Variants in ROBO2 observed in about 807,000 individuals in gnomAD.
The protein encoded by ROBO2 is roundabout guidance receptor 2.
ROBO2 carries 53 observed loss-of-function variants against 160.8 expected under a neutral mutation model. The ratio of observed to expected loss-of-function variants is 0.33; its 90% CI spans 0.26 to 0.41. ROBO2 has a LOEUF of 0.41. Ranked by LOEUF, ROBO2 falls within the 10% of genes least tolerant of loss-of-function variation. ROBO2 has a pLI of 1.00. For synonymous variants in ROBO2, 664 were observed against 611.7 expected, an observed-to-expected ratio of 1.09 and a Z score of -1.26; for missense variants, 1,577 against 1,722.4, an observed-to-expected ratio of 0.92 and a Z score of 1.49.
intron 2 of ROBO2, among the ~76,000 whole-genome samples, chr3:76,988,882 C>T (rs1049744610): frequency 2.6e-5 from 4 of 152,108 alleles, no homozygotes; most frequent in Non-Finnish European, 5.9e-5. Flanking sequence ...TGATGCTGCA[C>T]ATTTAAAGAC....
intron 2 of ROBO2, among the ~76,000 whole-genome samples, chr3:76,028,570 C>T (rs573150456): frequency 9.0e-4 from 137 of 151,672 alleles, no homozygotes; most frequent in Non-Finnish European, 1.6e-3. Flanking sequence ...TTGAAAATCT[C>T]CAAAGAACTA....
chr3:77,119,723 T>C (rs1005655211), intron 2 of ROBO2, among the ~76,000 whole-genome samples: 2 of 152,214 alleles, frequency 1.3e-5, no homozygotes, highest in Non-Finnish European at 2.9e-5. Context: ...ATTTTAATGC[T>C]GTGTGAGTTT....
At chr3:76,955,859 C>T (rs1285309474) in intron 2 of ROBO2, among the ~76,000 whole-genome samples, 3 of 141,314 alleles carry the variant, frequency 2.1e-5, no homozygotes, top group East Asian at 2.1e-4. Context: ...ACCCGGGAGG[C>T]GGAGACAGGT....
chr3:77,277,105 G>A (rs940914862), intron 2 of ROBO2, among the ~76,000 whole-genome samples: 1 of 151,824 alleles, frequency 6.6e-6, no homozygotes, highest in Non-Finnish European at 1.5e-5. Flanking sequence ...GAGAGAGAGA[G>A]AAATAAAAAT....
chr3:76,103,070 G>C (rs1356965422), intron 2 of ROBO2, among the ~76,000 whole-genome samples: 1 of 151,994 alleles, frequency 6.6e-6, no homozygotes, highest in Non-Finnish European at 1.5e-5. Context: ...TGATCCGCCC[G>C]CCTCGGCCTC....
chr3:76,535,347 C>T (rs189642680), intron 2 of ROBO2, among the ~76,000 whole-genome samples: 2 of 151,902 alleles, frequency 1.3e-5, no homozygotes, highest in Non-Finnish European at 2.9e-5. Flanking sequence ...CTGTAACAGG[C>T]GAATGATAAC....
chr3:76,911,465 T>A (rs143389118), intron 2 of ROBO2, among the ~76,000 whole-genome samples: 1 of 152,272 alleles, frequency 6.6e-6, no homozygotes, highest in East Asian at 1.9e-4. Context: ...GGGTTAGAAT[T>A]GAGCCAGGCA....
At chr3:76,208,387 A>G (rs1242831079) in intron 2 of ROBO2, among the ~76,000 whole-genome samples, 1 of 152,170 alleles carries the variant, frequency 6.6e-6, no homozygotes, top group African/African-American at 2.4e-5. Context: ...ACTTTTTCAA[A>G]TACATATTTA....
chr3:77,338,879 A>T (rs2153449349), intron 2 of ROBO2, among the ~76,000 whole-genome samples: 1 of 152,236 alleles, frequency 6.6e-6, no homozygotes, highest in Non-Finnish European at 1.5e-5. Context: ...TGAGGCTAGA[A>T]TAGTAACGCC....
intron 2 of ROBO2, among the ~76,000 whole-genome samples, chr3:77,015,629 C>CA (rs977142124): frequency 2.6e-5 from 4 of 152,160 alleles, no homozygotes; most frequent in African/African-American, 9.7e-5. Context: ...CAATAATTTT[C>CA]AAACATTTTA....
At chr3:77,225,019 CAT>C (rs568068744) in intron 2 of ROBO2, among the ~76,000 whole-genome samples, 9 of 151,562 alleles carry the variant, frequency 5.9e-5, no homozygotes, top group African/African-American at 9.7e-5. Context: ...AATTTTTAAA[CAT>C]AGAGTATTAG....
At chr3:76,456,611 GT>G (rs1400632807) in intron 2 of ROBO2, among the ~76,000 whole-genome samples, 1 of 152,176 alleles carries the variant, frequency 6.6e-6, no homozygotes, top group Non-Finnish European at 1.5e-5. Flanking sequence ...GTACTATTAA[GT>G]ACACATCAAG....
chr3:75,920,007 T>C (rs1303778945), intron 1 of ROBO2, among the ~76,000 whole-genome samples: 3 of 152,206 alleles, frequency 2.0e-5, no homozygotes, highest in Non-Finnish European at 4.4e-5. Flanking sequence ...TCATTGATTT[T>C]TTGAAGGTTT....
At chr3:76,633,680 C>T (rs558658719) in intron 2 of ROBO2, among the ~76,000 whole-genome samples, 10 of 152,260 alleles carry the variant, frequency 6.6e-5, no homozygotes, top group South Asian at 2.1e-4. Context: ...AAATAGTCTA[C>T]GCCAGGCATG....
intron 2 of ROBO2, among the ~76,000 whole-genome samples, chr3:76,049,553 C>T (rs1333004442): frequency 6.6e-6 from 1 of 151,012 alleles, no homozygotes. Context: ...CACAAGCGTT[C>T]CTTTAGTGTA....
intron 2 of ROBO2, among the ~76,000 whole-genome samples, chr3:76,315,404 T>C (rs2107817992): frequency 6.6e-6 from 1 of 152,316 alleles, no homozygotes; most frequent in Non-Finnish European, 1.5e-5. Flanking sequence ...GCAGTTATCT[T>C]CTCCCTCTTT....
intron 2 of ROBO2, among the ~76,000 whole-genome samples, chr3:76,380,416 T>A (rs750422891): frequency 4.6e-5 from 7 of 152,132 alleles, no homozygotes; most frequent in African/African-American, 7.2e-5. Context: ...AAGTAAGATA[T>A]ACACTTGACC....
chr3:76,796,293 T>G (rs1267030479), intron 2 of ROBO2, among the ~76,000 whole-genome samples: 1 of 152,038 alleles, frequency 6.6e-6, no homozygotes, highest in Non-Finnish European at 1.5e-5. Context: ...AATATGTTTT[T>G]TAGTGTAGCC....
At chr3:76,380,518 CT>C (rs2076566432) in intron 2 of ROBO2, among the ~76,000 whole-genome samples, 2 of 152,086 alleles carry the variant, frequency 1.3e-5, no homozygotes, top group Admixed American at 1.3e-4. Flanking sequence ...CCAATTCCTC[CT>C]TTTTCACCTC....
Sources: gnomAD v4.1 joint callset for allele counts (sites outside exome capture counted in the v4.1 genomes callset) on GRCh38, gnomAD v4.1.1 for gene constraint, MANE v1.5 for transcripts, NCBI Gene and HGNC (gene_info 2026-07-23, HGNC 2026-07-21) for gene names.